Variants in CHST15 observed in about 807,000 individuals in gnomAD.
The protein encoded by CHST15 is B cell RAG associated protein (GALNAC4S-6ST).
In CHST15, 30 loss-of-function variants were observed where a neutral mutation model predicts 53.6. The ratio of observed to expected loss-of-function variants is 0.56; its 90% confidence interval spans 0.42 to 0.76. The LOEUF (loss-of-function observed/expected upper bound fraction) is 0.76. Ranked by LOEUF, CHST15 falls within the 30% of genes least tolerant of loss-of-function variation. The pLI is 0.00. For missense variants in CHST15, 627 were observed against 740.5 expected (o/e 0.85, Z 1.78); for synonymous variants, 296 against 289.8 (o/e 1.02, Z -0.22).
chr10:124,037,653 G>T (rs1947552188), intron 5 of CHST15, among the ~76,000 whole-genome samples: 1 of 152,188 alleles, frequency 6.6e-6, no homozygotes, highest in Non-Finnish European at 1.5e-5. Flanking sequence ...GCAGTGCCCA[G>T]TGCCAGCCAG....
intron 1 of CHST15, among the ~76,000 whole-genome samples, chr10:124,050,106 C>T (rs549435304): frequency 6.6e-6 from 1 of 152,122 alleles, no homozygotes; most frequent in Non-Finnish European, 1.5e-5. Context: ...TTACCAAAAT[C>T]GATAGCCACT....
chr10:124,011,216 G>C (rs543259096), intron 7 of CHST15, among the ~76,000 whole-genome samples: 20 of 151,660 alleles, frequency 1.3e-4, no homozygotes. Context: ...TTTACCGGGG[G>C]CTCTTGGGAT....
chr10:124,048,169 AG>A (rs2134023237), intron 1 of CHST15, among the ~76,000 whole-genome samples: 1 of 152,342 alleles, frequency 6.6e-6, no homozygotes, highest in Non-Finnish European at 1.5e-5. Context: ...GCCGTTGGTG[AG>A]TGTTCTGTGC....
At position 124,077,996 on chromosome 10, in the gene CHST15, A is replaced by G. The variant is rs144525039; in HGVS notation, c.-513+15473T>C. 6.4e-3 allele frequency among the ~76,000 whole-genome samples: 977 copies of G among 152,282 alleles called. 8 individuals carry two copies. The highest frequency in any genetic ancestry group is 0.023 in the African/African-American group (944 of 41,552). ...GCTGCAGAAATTCTACCAACCTTAAAAGCACCTACAAGGGGCAAGGTACAA... is the reference window on the plus strand; with the variant it reads ...GCTGCAGAAATTCTACCAACCTTAAGAGCACCTACAAGGGGCAAGGTACAA... On this transcript the variant is annotated intron_variant, in intron 1 of 7. Coordinates refer to ENST00000435907, the MANE Select transcript of CHST15 (RefSeq NM_001270764.2).
chr10:124,076,467 T>C (rs184582713), intron 1 of CHST15, among the ~76,000 whole-genome samples: 1 of 152,304 alleles, frequency 6.6e-6, no homozygotes, highest in East Asian at 1.9e-4. Context: ...AGCGTGTGCT[T>C]AGGTCAGGCC....
intron 6 of CHST15, chr10:124,020,657 G>C (rs2133858608): frequency 1.0e-6 from 1 of 992,428 alleles, no homozygotes; most frequent in African/African-American, 1.7e-5. Flanking sequence ...CCCTGCTGTT[G>C]AAGTACACAG....
chr10:124,038,361 C>T (rs1469159339), intron 5 of CHST15, among the ~76,000 whole-genome samples, 154 bp downstream of exon 5: 1 of 152,140 alleles, frequency 6.6e-6, no homozygotes, highest in Non-Finnish European at 1.5e-5. Context: ...CCACCCCGGC[C>T]TCCCAAAGTG....
In CHST15 at chr10:124,021,505, C is replaced by G. The variant is rs138040695; in HGVS notation, c.1191-93G>C. On this transcript the variant is annotated intron_variant, in intron 5 of 7. Transcript: ENST00000435907. ...GAAAATCAGTGTACAATTACATTAT[C>G]TAGTTTTCCTGATTGAAGCACAACC... The G allele has an allele frequency of 1.8e-5, 27 of 1,521,198 alleles. 1 individual carries two copies. In the East Asian group the frequency reaches 6.3e-4, roughly 35 times the overall value. The allele number at this position is 1,521,198 out of a possible 1,614,324, so 94.2% of individuals were successfully genotyped here.
rs553663048 is a variant in CHST15 at position 124,073,377 on chromosome 10, G to T, written c.-513+20092C>A. Reference sequence around the variant, plus strand: ...AAAACAGGCCAAAAACCCAGGCCGCGGAAGTCAGGATAGCAATTTCCCTTG... The same window carrying T: ...AAAACAGGCCAAAAACCCAGGCCGCTGAAGTCAGGATAGCAATTTCCCTTG... On this transcript the variant is annotated intron_variant, in intron 1 of 7. Coordinates refer to ENST00000435907, the MANE Select transcript of CHST15 (RefSeq NM_001270764.2). Among the ~76,000 whole-genome samples the T allele has an allele frequency of 4.6e-5, 7 of 152,316 alleles. No individual in the cohort carries two copies. In the South Asian group the frequency reaches 1.5e-3, roughly 32 times the overall value.
Position 124,007,898 on chromosome 10 carries a change from G to A in CHST15, c.*2251C>T. ...CTTTGGTTTTGAATGGCAGGCTCGA[G>A]AACCACCGCCCAGAACGGAACCTAT... On this transcript the variant is annotated 3_prime_UTR_variant, in exon 8 of 8. Transcript: ENST00000435907. The A allele has an allele frequency of 8.1e-7, 1 of 1,232,066 alleles. No homozygotes were observed. The highest frequency in any genetic ancestry group is 1.0e-6 in the Non-Finnish European group (1 of 987,964). The allele number at this position is 1,232,066 out of a possible 1,614,324, so 76.3% of individuals were successfully genotyped here.
Position 124,021,237 on chromosome 10 carries a change from G to GGC in CHST15, c.1347+18_1347+19insGC, listed in dbSNP as rs1554903150. Reference sequence around the variant, plus strand: ...TGCCAGGGGCCAGCTCGGGGGGTACGGGGGGGGGGGGTACACACAGGCATG... The same window carrying GGC: ...TGCCAGGGGCCAGCTCGGGGGGTACGGCGGGGGGGGGGGTACACACAGGCATG... On this transcript the variant is annotated intron_variant, in intron 6 of 7. Coordinates refer to ENST00000435907, the MANE Select transcript of CHST15 (RefSeq NM_001270764.2). 20 of 77,780 alleles carry GGC rather than the reference G, an allele frequency of 2.6e-4. No individual in the cohort carries two copies. The highest frequency in any genetic ancestry group is 2.5e-3 in the African/African-American group (14 of 5,544). 4.8% of individuals were successfully genotyped at this position (77,780 alleles called of 1,614,324 possible).
intron 1 of CHST15, among the ~76,000 whole-genome samples, chr10:124,075,243 G>A (rs2134180145): frequency 6.6e-6 from 1 of 152,238 alleles, no homozygotes; most frequent in Middle Eastern, 3.4e-3. Flanking sequence ...CCCACGGTGG[G>A]GAGGGTACAA....
At chr10:124,063,049 G>A (rs1239412680) in intron 1 of CHST15, among the ~76,000 whole-genome samples, 1 of 151,988 alleles carries the variant, frequency 6.6e-6, no homozygotes, top group Non-Finnish European at 1.5e-5. Context: ...GACACCAGGA[G>A]GCAAAGAGAG....
chr10:124,009,431 G>C lies in CHST15; in HGVS notation c.*718C>G. 1.0e-6 allele frequency: 1 copy of C among 990,100 alleles called. No homozygotes were observed. The allele number at this position is 990,100 out of a possible 1,614,324, so 61.3% of individuals were successfully genotyped here. On this transcript the variant is annotated 3_prime_UTR_variant, in exon 8 of 8. Transcript: ENST00000435907. The stretch of plus-strand genomic sequence containing the variant: ...ACAAGGACAGAATAGGAGGAGGTCA[G>C]AAAGATGAAGGTGCTGCCAAAAACT...
chr10:124,059,707 T>G (rs1254386477), intron 1 of CHST15, among the ~76,000 whole-genome samples: 1 of 152,162 alleles, frequency 6.6e-6, no homozygotes, highest in Non-Finnish European at 1.5e-5. Flanking sequence ...ATGAATCCAT[T>G]ACAGGCGGCG....
At chr10:124,083,808 G>A (rs375985388) in intron 1 of CHST15, among the ~76,000 whole-genome samples, 135 of 152,272 alleles carry the variant, frequency 8.9e-4, no homozygotes, top group Middle Eastern at 3.4e-3. Context: ...GACCTGATGC[G>A]GCATGGGGAC....
At chr10:124,038,460 T>C in intron 5 of CHST15, 55 bp downstream of exon 5, 1 of 1,586,906 alleles carries the variant, frequency 6.3e-7, no homozygotes, top group Non-Finnish European at 8.6e-7. Context: ...AGGGGAACAC[T>C]GTTCTTCAAA....
At chr10:124,040,631 C>A (rs540708400) in intron 4 of CHST15, among the ~76,000 whole-genome samples, 9 of 152,180 alleles carry the variant, frequency 5.9e-5, no homozygotes, top group Non-Finnish European at 1.3e-4. Flanking sequence ...AGCTGAGTCA[C>A]ATTTCAGAGC....
At chr10:124,077,007 C>A (rs972187163) in intron 1 of CHST15, among the ~76,000 whole-genome samples, 1 of 152,262 alleles carries the variant, frequency 6.6e-6, no homozygotes, top group Non-Finnish European at 1.5e-5. Context: ...CCGCGCCCGG[C>A]CAATTCTTAA....
Sources: allele counts gnomAD v4.1 joint callset (sites outside exome capture counted in the v4.1 genomes callset), GRCh38; gene constraint gnomAD v4.1.1; transcripts MANE v1.5; gene names NCBI Gene and HGNC (gene_info 2026-07-23, HGNC 2026-07-21).